NARS1: variants seen among roughly 807,000 people sequenced by gnomAD.
The protein encoded by NARS1 is asparaginyl-tRNA synthetase 1.
A neutral mutation model predicts 79.2 loss-of-function variants in NARS1; 65 were observed. That is an observed-to-expected ratio of 0.82 (90% CI 0.67 to 1.01). The LOEUF (loss-of-function observed/expected upper bound fraction) is 1.01. Among genes scored for constraint, NARS1 ranks in the 50% least tolerant of loss-of-function variants. NARS1 has a pLI of 0.00. For missense variants in NARS1, 649 were observed against 673.8 expected (o/e 0.96, Z 0.41); for synonymous variants, 229 against 238.8 (o/e 0.96, Z 0.38).
intron 13 of NARS1, 108 bp downstream of exon 13, chr18:57,602,247 A>T: frequency 9.4e-7 from 1 of 1,066,070 alleles, no homozygotes. Flanking sequence ...AATATAGCTC[A>T]TTCAAATACC....
chr18:57,621,499 A>C (rs1908301410), intron 1 of NARS1, among the ~76,000 whole-genome samples: 1 of 152,148 alleles, frequency 6.6e-6, no homozygotes, highest in Non-Finnish European at 1.5e-5. Context: ...GCCCGGGGGA[A>C]CGACGGACTC....
At chr18:57,610,159 C>A (rs2051593304) in intron 6 of NARS1, among the ~76,000 whole-genome samples, 1 of 152,266 alleles carries the variant, frequency 6.6e-6, no homozygotes, top group East Asian at 1.9e-4. Flanking sequence ...GCTGCCAACA[C>A]CTGAACCCAC....
chr18:57,615,596 T>G (rs1365866526), intron 4 of NARS1, 45 bp downstream of exon 4: 1 of 1,337,458 alleles, frequency 7.5e-7, no homozygotes, highest in South Asian at 1.2e-5. Context: ...AATAATGATC[T>G]GATGTAGCCA....
At position 57,602,404 on chromosome 18, in the gene NARS1, TA is replaced by T; in HGVS notation, c.1465del (p.Tyr489IlefsTer36). 6.2e-7 allele frequency: 1 copy of T among 1,613,994 alleles called. No homozygotes were observed. The highest frequency in any genetic ancestry group is 8.5e-7 in the Non-Finnish European group (1 of 1,179,878). On this transcript the variant is annotated frameshift_variant, in exon 13 of 14. Coordinates refer to ENST00000256854, the MANE Select transcript of NARS1 (RefSeq NM_004539.4). LOFTEE classifies it high-confidence loss of function. ...IFDSEEILAG[Y>X]KREGIDPTPY... is the part of the protein sequence containing the mutation. ...AGTGGGGTCAATCCCTTCCCTTTTA[TA>T]ACCTGCCAGTATTTCTTCACTATCA...
intron 11 of NARS1, among the ~76,000 whole-genome samples, chr18:57,605,151 A>ATG (rs2051543286): frequency 6.8e-6 from 1 of 147,916 alleles, no homozygotes; most frequent in African/African-American, 2.5e-5. Flanking sequence ...ATATATATAT[A>ATG]TATCTATATA....
At chr18:57,621,672 C>A (rs1383093864) in intron 1 of NARS1, 36 bp downstream of exon 1, 13 of 1,596,758 alleles carry the variant, frequency 8.1e-6, no homozygotes, top group African/African-American at 1.3e-5. Context: ...CTGCCCCAGG[C>A]AGGGAACACC....
At chr18:57,613,181 A>G (rs2051618918) in intron 5 of NARS1, among the ~76,000 whole-genome samples, 1 of 150,814 alleles carries the variant, frequency 6.6e-6, no homozygotes, top group Non-Finnish European at 1.5e-5. Context: ...GGGGAGTTCA[A>G]GTCTAGCCAG....
At chr18:57,608,254 T>G (rs933893705) in intron 7 of NARS1, among the ~76,000 whole-genome samples, 1 of 151,732 alleles carries the variant, frequency 6.6e-6, no homozygotes, top group African/African-American at 2.4e-5. Flanking sequence ...ATCAAGACCA[T>G]CCTGGCCAAC....
intron 10 of NARS1, among the ~76,000 whole-genome samples, chr18:57,606,355 T>G (rs55918910): frequency 9.7e-4 from 1 of 1,028 alleles, no homozygotes; most frequent in African/African-American, 1.3e-3. Context: ...AAAAAAAAAA[T>G]ATATATATAT....
chr18:57,620,951 G>A (rs762749946), intron 1 of NARS1, among the ~76,000 whole-genome samples: 5 of 152,126 alleles, frequency 3.3e-5, no homozygotes, highest in Non-Finnish European at 5.9e-5. Flanking sequence ...TCAGACATAC[G>A]CTGGAATGTT....
intron 8 of NARS1, 37 bp from the exon 9 acceptor site, chr18:57,607,370 C>T (rs2051567066): frequency 2.5e-6 from 4 of 1,610,040 alleles, no homozygotes; most frequent in East Asian, 2.2e-5. Context: ...TCAATGCTAT[C>T]GTGAGCACCA....
Position 57,620,165 on chromosome 18 carries a change from T to C in NARS1, c.93+404A>G, listed in dbSNP as rs919437345. Among the ~76,000 whole-genome samples the C allele has an allele frequency of 2.6e-5, 4 of 152,218 alleles. No homozygotes were observed. The East Asian group carries it at 7.7e-4, about 29-fold the overall frequency. ...ACAAATGAATCCATTCTTGGTGGTC[T>C]TGGAGTCAAATCTCAGGATCACACT... On this transcript the variant is annotated intron_variant, in intron 2 of 13. Coordinates refer to ENST00000256854, the MANE Select transcript of NARS1 (RefSeq NM_004539.4).
chr18:57,617,705 AG>A (rs1450808026), intron 2 of NARS1, among the ~76,000 whole-genome samples: 4 of 151,262 alleles, frequency 2.6e-5, no homozygotes, highest in Admixed American at 2.0e-4. Flanking sequence ...TCATGAGGTC[AG>A]GAGTTCGAGA....
chr18:57,601,899 A>C, intron 13 of NARS1, 116 bp from the exon 14 acceptor site: 1 of 1,088,226 alleles, frequency 9.2e-7, no homozygotes, highest in Non-Finnish European at 1.4e-6. Flanking sequence ...TAAGAATTCA[A>C]CTATGGCCAG....
rs748236403 is a variant in NARS1, at chr18:57,615,818, T to C, written c.251A>G (p.Glu84Gly). The C allele has an allele frequency of 4.3e-6, 7 of 1,611,978 alleles. No individual in the cohort carries two copies. The East Asian group carries it at 1.6e-4, about 36-fold the overall frequency. Residue 84 changes from glutamate to glycine, a missense_variant and splice_region_variant, in exon 3 of 14, where the codon GAG becomes GGG. Glu to Gly is a moderately conservative substitution (Grantham distance 98). Coordinates refer to ENST00000256854, the MANE Select transcript of NARS1 (RefSeq NM_004539.4). ...QMKSESREKK[E>G]AEDSLRREKN... ...CACGATGGCAAGGTCAGGACTCACCTCTTTCTTTTCCCGGGATTCACTCTT... is the reference window on the plus strand; with the variant it reads ...CACGATGGCAAGGTCAGGACTCACCCCTTTCTTTTCCCGGGATTCACTCTT...
At chr18:57,603,028 C>T (rs2051523374) in intron 11 of NARS1, 85 bp from the exon 12 acceptor site, 22 of 1,358,722 alleles carry the variant, frequency 1.6e-5, no homozygotes, top group Non-Finnish European at 2.0e-5. Context: ...ACCAGTCCTT[C>T]CTCCTATCAA....
chr18:57,616,631 A>G (rs1908040684), intron 2 of NARS1, among the ~76,000 whole-genome samples: 1 of 152,194 alleles, frequency 6.6e-6, no homozygotes, highest in South Asian at 2.1e-4. Context: ...TGCAAGTGAC[A>G]TCTAAAAGGT....
At position 57,602,498 on chromosome 18, in the gene NARS1, A is replaced by G; in HGVS notation, c.1384-12T>C. 1.2e-6 allele frequency: 2 copies of G among 1,613,484 alleles called. No individual in the cohort carries two copies. Among genetic ancestry groups the G allele is most frequent in the South Asian group, 2.2e-5 (2 of 91,022 alleles). On this transcript the variant is annotated splice_polypyrimidine_tract_variant and intron_variant, in intron 12 of 13. Coordinates refer to ENST00000256854, the MANE Select transcript of NARS1 (RefSeq NM_004539.4). ...ATCAACACGTCGACCTTTAAATATA[A>G]GTGAAAGAAGATACACAATTACTAT...
In NARS1 at chr18:57,605,851, A is replaced by G; in HGVS notation, c.1251+6T>C. On this transcript the variant is annotated splice_donor_region_variant and intron_variant, in intron 11 of 13. Coordinates refer to ENST00000256854, the MANE Select transcript of NARS1 (RefSeq NM_004539.4). Reference sequence around the variant, plus strand: ...CTTGGAAACAATGAGAGAAAGGGATACATACTTCTCCAAATTCATAGAAAG... The same window carrying G: ...CTTGGAAACAATGAGAGAAAGGGATGCATACTTCTCCAAATTCATAGAAAG... 6.4e-7 allele frequency: 1 copy of G among 1,566,256 alleles called. No homozygotes were observed. Among genetic ancestry groups the G allele is most frequent in the Non-Finnish European group, 8.8e-7 (1 of 1,141,088 alleles).
Sources: allele counts gnomAD v4.1 joint callset (sites outside exome capture counted in the v4.1 genomes callset), GRCh38; gene constraint gnomAD v4.1.1; transcripts MANE v1.5; gene names NCBI Gene and HGNC (gene_info 2026-07-23, HGNC 2026-07-21).